The following COMMD10 variants were observed in gnomAD, a reference collection of about 807,000 sequenced individuals.
The protein encoded by COMMD10 is COMM domain-containing protein 10.
Under a neutral mutation model 28.9 loss-of-function variants are expected in COMMD10, and 33 were observed. The ratio of observed to expected loss-of-function variants is 1.14; its 90% CI spans 0.87 to 1.53. The LOEUF (loss-of-function observed/expected upper bound fraction) is 1.53. COMMD10 is among the 40% of genes most tolerant of loss of function. COMMD10 has a pLI of 0.00. For synonymous variants in COMMD10, 110 were observed against 81.7 expected (o/e 1.35, Z -1.87); for missense variants, 310 against 233.4 (o/e 1.33, Z -2.14).
chr5:116,165,586 C>G (rs1251667351), intron 5 of COMMD10, among the ~76,000 whole-genome samples: 1 of 151,848 alleles, frequency 6.6e-6, no homozygotes, highest in Non-Finnish European at 1.5e-5. Flanking sequence ...ATGATCTTTC[C>G]TAAGGGTGTG....
chr5:116,184,190 C>T lies in COMMD10; in HGVS notation c.510+50012C>T, dbSNP rs190038344. Among the ~76,000 whole-genome samples the T allele has an allele frequency of 1.5e-3, 226 of 147,330 alleles. 1 individual carries two copies. The highest frequency in any genetic ancestry group is 7.5e-4 in the Non-Finnish European group (49 of 65,760). ...TAATAACACGTAGAAAAAGGACAGA[C>T]ATTTCTATGTGGTTCTTAGTTCTGT... On this transcript the variant is annotated intron_variant, in intron 5 of 6. Transcript: ENST00000274458.
chr5:116,190,229 A>G (rs1748315218), intron 5 of COMMD10, among the ~76,000 whole-genome samples: 1 of 152,122 alleles, frequency 6.6e-6, no homozygotes, highest in Non-Finnish European at 1.5e-5. Context: ...CTGATGGTGT[A>G]TTTTGAGGCC....
chr5:116,272,122 G>A (rs1286195723), intron 5 of COMMD10, among the ~76,000 whole-genome samples: 1 of 151,800 alleles, frequency 6.6e-6, no homozygotes, highest in Non-Finnish European at 1.5e-5. Context: ...CATTAAGGTC[G>A]AGACACTTTT....
chr5:116,236,732 A>C (rs991962054), intron 5 of COMMD10, among the ~76,000 whole-genome samples: 1 of 152,012 alleles, frequency 6.6e-6, no homozygotes, highest in Non-Finnish European at 1.5e-5. Flanking sequence ...GCTCCAGTAA[A>C]TACCATGTAT....
rs929291902 is a variant in COMMD10, at chr5:116,170,343, A to T, written c.510+36165A>T. 2.6e-5 allele frequency among the ~76,000 whole-genome samples: 4 copies of T among 152,216 alleles called. No homozygotes were observed. In the East Asian group the frequency reaches 7.7e-4, roughly 29 times the overall value. On this transcript the variant is annotated intron_variant, in intron 5 of 6. Coordinates refer to ENST00000274458, the MANE Select transcript of COMMD10 (RefSeq NM_016144.4). ...ACTTCTCAAGGAAATGAGAGGACAG[A>T]AACAAATGAAAAACATTCTATGCTC...
chr5:116,150,658 T>C (rs1752494913), intron 5 of COMMD10, among the ~76,000 whole-genome samples: 1 of 143,760 alleles, frequency 7.0e-6, no homozygotes, highest in Non-Finnish European at 1.5e-5. Context: ...GCTCTCTGTT[T>C]GTCTGTTATT....
At chr5:116,160,193 T>C (rs549288985) in intron 5 of COMMD10, among the ~76,000 whole-genome samples, 1 of 152,168 alleles carries the variant, frequency 6.6e-6, no homozygotes. Context: ...AATAGAGATA[T>C]GGGAGAGACT....
At chr5:116,135,761 A>G (rs947175178) in intron 5 of COMMD10, among the ~76,000 whole-genome samples, 13 of 152,178 alleles carry the variant, frequency 8.5e-5, no homozygotes, top group South Asian at 2.1e-4. Flanking sequence ...AAAAAACAGT[A>G]TATATTGGGT....
At chr5:116,140,206 T>C (rs76570864) in intron 5 of COMMD10, among the ~76,000 whole-genome samples, 8,538 of 146,236 alleles carry the variant, frequency 0.058, 404 homozygotes, top group African/African-American at 0.13. Flanking sequence ...CACTATATCC[T>C]TTTTCAAGGC....
intron 5 of COMMD10, among the ~76,000 whole-genome samples, chr5:116,210,109 T>A (rs1748920173): frequency 6.6e-6 from 1 of 152,122 alleles, no homozygotes; most frequent in Admixed American, 6.6e-5. Flanking sequence ...AACTACCTAC[T>A]TCCTTGATAA....
intron 5 of COMMD10, among the ~76,000 whole-genome samples, chr5:116,254,548 G>C (rs564479366): frequency 6.6e-6 from 1 of 151,068 alleles, no homozygotes; most frequent in Non-Finnish European, 1.5e-5. Flanking sequence ...CCTTCATTTC[G>C]TTATGTACCC....
At chr5:116,285,693 G>C (rs1751202015) in intron 5 of COMMD10, among the ~76,000 whole-genome samples, 1 of 151,886 alleles carries the variant, frequency 6.6e-6, no homozygotes, top group African/African-American at 2.4e-5. Context: ...TTGCATTGTA[G>C]AAATAAATAC....
chr5:116,257,550 A>C (rs1750321776), intron 5 of COMMD10, among the ~76,000 whole-genome samples: 1 of 151,712 alleles, frequency 6.6e-6, no homozygotes, highest in Non-Finnish European at 1.5e-5. Flanking sequence ...ATTAATAAGT[A>C]CATAGGAGTA....
At chr5:116,279,868 C>T (rs1751026474) in intron 5 of COMMD10, among the ~76,000 whole-genome samples, 1 of 151,742 alleles carries the variant, frequency 6.6e-6, no homozygotes. Context: ...TGTGACACCC[C>T]ATCCGCTATA....
At chr5:116,158,962 C>G (rs779628984) in intron 5 of COMMD10, among the ~76,000 whole-genome samples, 1 of 151,748 alleles carries the variant, frequency 6.6e-6, no homozygotes, top group Non-Finnish European at 1.5e-5. Context: ...ACTAGAGGGT[C>G]TAGGTCACCA....
At chr5:116,101,449 C>T (rs557892090) in intron 4 of COMMD10, among the ~76,000 whole-genome samples, 25 of 151,782 alleles carry the variant, frequency 1.6e-4, no homozygotes, top group South Asian at 4.2e-4. Context: ...TATTTTGAGA[C>T]GGAGTCTTGC....
At chr5:116,245,250 A>G (rs1749911671) in intron 5 of COMMD10, among the ~76,000 whole-genome samples, 1 of 152,096 alleles carries the variant, frequency 6.6e-6, no homozygotes, top group African/African-American at 2.4e-5. Context: ...ATCTAGAAGC[A>G]ATGGATAAAT....
At position 116,220,242 on chromosome 5, in the gene COMMD10, A is replaced by T. The variant is rs542625689; in HGVS notation, c.511-71275A>T. 2.0e-5 allele frequency among the ~76,000 whole-genome samples: 3 copies of T among 152,278 alleles called. No individual in the cohort carries two copies. In the South Asian group the frequency reaches 6.2e-4, roughly 32 times the overall value. ...AATCAGGCATAAAGTCTCAGATAAC[A>T]ATCTAGGTACTGAGTTTCTCAAACA... On this transcript the variant is annotated intron_variant, in intron 5 of 6. Transcript: ENST00000274458.
chr5:116,092,258 A>T (rs1750321440), intron 3 of COMMD10, among the ~76,000 whole-genome samples: 1 of 152,184 alleles, frequency 6.6e-6, no homozygotes, highest in African/African-American at 2.4e-5. Context: ...TTACATAGCC[A>T]AAGCAAAGAA....
Sources: gnomAD v4.1 joint callset for allele counts (sites outside exome capture counted in the v4.1 genomes callset) on GRCh38, gnomAD v4.1.1 for gene constraint, MANE v1.5 for transcripts, NCBI Gene and HGNC (gene_info 2026-07-23, HGNC 2026-07-21) for gene names.